The following TEAD4 variants were observed in gnomAD, a reference collection of about 807,000 sequenced individuals.
TEAD4 encodes the protein TEA domain transcription factor 4.
In TEAD4, 36 loss-of-function variants were observed where a neutral mutation model predicts 52.4. The ratio of observed to expected loss-of-function variants is 0.69; its 90% CI spans 0.53 to 0.91. TEAD4 has a LOEUF of 0.91. Ranked by LOEUF, TEAD4 falls within the 40% of genes least tolerant of loss-of-function variation. The pLI is 0.00. For missense variants in TEAD4, 508 were observed against 583.9 expected (o/e 0.87, Z 1.34); for synonymous variants, 220 against 231.0 (o/e 0.95, Z 0.43).
chr12:3,035,113 T>TA (rs35019225), intron 10 of TEAD4, among the ~76,000 whole-genome samples: 86,792 of 151,864 alleles, frequency 0.57, 29,905 homozygotes, highest in East Asian at 0.94. Context: ...AAAATAAAAT[T>TA]AAAAAAATAG....
chr12:2,963,711 G>C (rs752381377), intron 2 of TEAD4, among the ~76,000 whole-genome samples: 1 of 152,218 alleles, frequency 6.6e-6, no homozygotes, highest in Non-Finnish European at 1.5e-5. Flanking sequence ...TGTGTGATCT[G>C]GCCCTGGGGC....
intron 2 of TEAD4, among the ~76,000 whole-genome samples, chr12:2,981,803 C>T (rs1318650387): frequency 1.3e-5 from 2 of 152,096 alleles, no homozygotes; most frequent in Admixed American, 6.6e-5. Flanking sequence ...TGGGGATGCA[C>T]CTGGAAGAAG....
At chr12:3,021,307 C>CTTTTTTT (rs371527718) in intron 9 of TEAD4, among the ~76,000 whole-genome samples, 2 of 133,180 alleles carry the variant, frequency 1.5e-5, no homozygotes, top group Non-Finnish European at 1.6e-5. Flanking sequence ...CTTCAAACTT[C>CTTTTTTT]TTTTTTTTTT....
Sources: allele counts gnomAD v4.1 joint callset (sites outside exome capture counted in the v4.1 genomes callset), GRCh38; gene constraint gnomAD v4.1.1; transcripts MANE v1.5; gene names NCBI Gene and HGNC (gene_info 2026-07-23, HGNC 2026-07-21).